Variants in SERPINB10 observed in about 807,000 individuals in gnomAD.
SERPINB10 encodes serpin family B member 10.
A neutral mutation model predicts 39.1 loss-of-function variants in SERPINB10; 35 were observed. The ratio of observed to expected loss-of-function variants is 0.90; its 90% CI spans 0.68 to 1.19. SERPINB10 has a LOEUF of 1.19. Among genes scored for constraint, SERPINB10 ranks in the 50% most tolerant of loss-of-function variants. The probability of loss-of-function intolerance (pLI) is 0.00; values close to 1 mark genes in which losing one functional copy is unlikely to be tolerated. For synonymous variants in SERPINB10, 190 were observed against 158.1 expected (o/e 1.20, Z -1.52); for missense variants, 546 against 460.5 (o/e 1.19, Z -1.70).
intron 5 of SERPINB10, among the ~76,000 whole-genome samples, chr18:63,929,558 T>C (rs946150314): frequency 6.6e-6 from 1 of 152,088 alleles, no homozygotes; most frequent in East Asian, 1.9e-4. Flanking sequence ...GTTCTTTAGA[T>C]TTCTACCACA....
At chr18:63,931,142 T>C (rs2050219140) in intron 6 of SERPINB10, among the ~76,000 whole-genome samples, 1 of 152,188 alleles carries the variant, frequency 6.6e-6, no homozygotes, top group South Asian at 2.1e-4. Flanking sequence ...ATGGGAATTG[T>C]ATTGGAATTA....
At chr18:63,913,354 T>G (rs2050078648) in intron 1 of SERPINB10, among the ~76,000 whole-genome samples, 1 of 152,012 alleles carries the variant, frequency 6.6e-6, no homozygotes, top group South Asian at 2.1e-4. Flanking sequence ...CTAGTTCGTC[T>G]AGGTCTGATG....
At chr18:63,932,932 CAG>C in intron 6 of SERPINB10, 114 bp from the exon 7 acceptor site, 1 of 907,820 alleles carries the variant, frequency 1.1e-6, no homozygotes, top group South Asian at 1.6e-5. Flanking sequence ...CAGCATTTAG[CAG>C]AGAATCAGCA....
chr18:63,934,599 T>C (rs2050247670), intron 7 of SERPINB10, among the ~76,000 whole-genome samples: 1 of 152,208 alleles, frequency 6.6e-6, no homozygotes, highest in Admixed American at 6.5e-5. Flanking sequence ...GCAGAAGTAC[T>C]TCCATTTTGA....
intron 5 of SERPINB10, among the ~76,000 whole-genome samples, chr18:63,926,443 A>G (rs1378788988): frequency 2.6e-5 from 4 of 151,954 alleles, no homozygotes; most frequent in Non-Finnish European, 5.9e-5. Flanking sequence ...TGTATTTCTA[A>G]ATAAGGTCAC....
At chr18:63,920,834 T>A (rs528097207) in intron 5 of SERPINB10, among the ~76,000 whole-genome samples, 46 of 151,754 alleles carry the variant, frequency 3.0e-4, no homozygotes, top group African/African-American at 1.1e-3. Context: ...CAAAATGGAG[T>A]TTTCAGCTGG....
rs560644053 is a variant in SERPINB10, at chr18:63,929,834, A to C, written c.491-211A>C. On this transcript the variant is annotated intron_variant, in intron 5 of 7. Coordinates refer to ENST00000238508, the MANE Select transcript of SERPINB10 (RefSeq NM_005024.3). The stretch of plus-strand genomic sequence containing the variant: ...ACTTTATGTGGAATAATGCTTACTG[A>C]CAGTCCAGCATATTATTTCTTCAGG... Among the ~76,000 whole-genome samples, 7 of 152,054 alleles carry C rather than the reference A, an allele frequency of 4.6e-5. No individual in the cohort carries two copies. The East Asian group carries it at 1.4e-3, about 29-fold the overall frequency.
intron 5 of SERPINB10, among the ~76,000 whole-genome samples, chr18:63,921,619 A>G (rs537374901): frequency 6.6e-6 from 1 of 152,006 alleles, no homozygotes; most frequent in East Asian, 1.9e-4. Context: ...ACCTCCATTT[A>G]CCACCCAAAT....
chr18:63,912,752 G>GT (rs2050073750), intron 1 of SERPINB10, among the ~76,000 whole-genome samples: 1 of 151,886 alleles, frequency 6.6e-6, no homozygotes, highest in African/African-American at 2.4e-5. Context: ...CTTCTATTGT[G>GT]TTTTTTCCAG....
At position 63,935,431 on chromosome 18, in the gene SERPINB10, C is replaced by A. The variant is rs764995261; in HGVS notation, c.*189C>A. 3.8e-6 allele frequency: 2 copies of A among 527,178 alleles called. No individual in the cohort carries two copies. The highest frequency in any genetic ancestry group is 3.7e-5 in the Admixed American group (1 of 26,866). The allele number at this position is 527,178 out of a possible 1,614,324, so 32.7% of individuals were successfully genotyped here. The stretch of plus-strand genomic sequence containing the variant: ...ATATCTGTACAGCTGGAGAGAATGA[C>A]GATTTTTATTTTTAACACGTTAACA... On this transcript the variant is annotated 3_prime_UTR_variant, in exon 8 of 8. Transcript: ENST00000238508.
intron 2 of SERPINB10, among the ~76,000 whole-genome samples, chr18:63,916,543 G>T (rs1412656221): frequency 6.6e-6 from 1 of 152,024 alleles, no homozygotes; most frequent in Non-Finnish European, 1.5e-5. Flanking sequence ...TACTCTTGTA[G>T]TTCACAAGAT....
rs2050211943 is a variant in SERPINB10, at chr18:63,930,160, C to A, written c.606C>A (p.Thr202=). The A allele has an allele frequency of 6.2e-7, 1 of 1,613,206 alleles. No homozygotes were observed. The highest frequency in any genetic ancestry group is 8.5e-7 in the Non-Finnish European group (1 of 1,179,526). Residue 202 remains threonine (T), a synonymous_variant, in exon 6 of 8, where the codon ACC becomes ACA. Coordinates refer to ENST00000238508, the MANE Select transcript of SERPINB10 (RefSeq NM_005024.3). ...IWEHQFLVQN[T]TEKPFRINET... ...AACATCAATTCTTAGTGCAAAACAC[C>A]ACAGAAAAGCCTTTTAGAATAAACG... is the stretch of plus-strand genomic sequence containing the variant.
chr18:63,922,414 A>G (rs17072163), intron 5 of SERPINB10, among the ~76,000 whole-genome samples: 16,975 of 152,018 alleles, frequency 0.11, 2,212 homozygotes, highest in African/African-American at 0.3. Context: ...AAAGTATGTT[A>G]TGACCTAAAC....
In SERPINB10 at chr18:63,915,630, C is replaced by T; in HGVS notation, c.120C>T (p.Thr40=). 4 of 1,612,492 alleles carry T rather than the reference C, an allele frequency of 2.5e-6. No individual in the cohort carries two copies. Among genetic ancestry groups the T allele is most frequent in the Non-Finnish European group, 3.4e-6 (4 of 1,179,046 alleles). The change falls in exon 2 of 8, where the codon ACC becomes ACT. Residue 40 remains threonine, a synonymous_variant. Coordinates refer to ENST00000238508, the MANE Select transcript of SERPINB10 (RefSeq NM_005024.3). ...CCTGGAGCATCTCAACTTCCTTGAC[C>T]ATAGTGTATTTGGGCGCCAAAGGTA... is the stretch of plus-strand genomic sequence containing the variant. The part of the protein sequence containing the change: ...FSSWSISTSL[T]IVYLGAKGTT...
At chr18:63,920,808 C>T (rs994464321) in intron 5 of SERPINB10, among the ~76,000 whole-genome samples, 7 of 151,880 alleles carry the variant, frequency 4.6e-5, no homozygotes, top group Middle Eastern at 3.2e-3. Flanking sequence ...ACCATACTTG[C>T]TAGAAGAAAG....
chr18:63,915,885 G>A (rs1297172985), intron 2 of SERPINB10, among the ~76,000 whole-genome samples: 1 of 152,058 alleles, frequency 6.6e-6, no homozygotes, highest in Non-Finnish European at 1.5e-5. Flanking sequence ...AAAACCATTT[G>A]AGAACCTGTG....
At chr18:63,911,650 GCCAGCA>G (rs1385523231) in intron 1 of SERPINB10, among the ~76,000 whole-genome samples, 7 of 151,798 alleles carry the variant, frequency 4.6e-5, no homozygotes, top group Admixed American at 2.0e-4. Flanking sequence ...CTGTTTTTGT[GCCAGCA>G]CCAGGCTGTT....
At chr18:63,929,874 TC>T (rs1203522767) in intron 5 of SERPINB10, among the ~76,000 whole-genome samples, 170 bp from the exon 6 acceptor site, 11 of 152,132 alleles carry the variant, frequency 7.2e-5, no homozygotes, top group African/African-American at 2.7e-4. Context: ...CTCTATTTAT[TC>T]ACAGCAGCTA....
At chr18:63,918,205 A>C (rs2050118935) in intron 4 of SERPINB10, 103 bp downstream of exon 4, 13 of 1,239,468 alleles carry the variant, frequency 1.0e-5, no homozygotes, top group Admixed American at 1.9e-5. Flanking sequence ...GACAATCTTC[A>C]TGTGGTCAGT....
Sources: allele counts gnomAD v4.1 joint callset (sites outside exome capture counted in the v4.1 genomes callset), GRCh38; gene constraint gnomAD v4.1.1; transcripts MANE v1.5; gene names NCBI Gene and HGNC (gene_info 2026-07-23, HGNC 2026-07-21).